The following WWOX variants were observed in gnomAD, a reference collection of about 807,000 sequenced individuals.
WWOX encodes WW domain containing oxidoreductase, also known as WW domain-containing oxidoreductase.
Under a neutral mutation model 46.2 loss-of-function variants are expected in WWOX, and 69 were observed. The observed-to-expected ratio is 1.49, with a 90% CI of 1.23 to 1.82. WWOX has a LOEUF of 1.82. Among genes scored for constraint, WWOX ranks in the 40% most tolerant of loss-of-function variants. The pLI is 0.00. For synonymous variants in WWOX, 359 were observed against 202.6 expected (o/e 1.77, Z -6.56); for missense variants, 919 against 542.6 (o/e 1.69, Z -6.89).
In WWOX at chr16:79,090,773, T is replaced by C. The variant is rs149786603; in HGVS notation, c.1057-120835T>C. Among the ~76,000 whole-genome samples the C allele has an allele frequency of 9.5e-3, 1,453 of 152,290 alleles. 76 individuals carry two copies. The South Asian group carries it at 0.16, about 17-fold the overall frequency. On this transcript the variant is annotated intron_variant, in intron 8 of 8. Transcript: ENST00000566780. ...AGGAGAGACTGAGGAGGCTTGGCCA[T>C]GCCCTGCCTTGTTGGTTTTTAGAAA...
Position 78,931,306 on chromosome 16 carries a change from C to T in WWOX, c.1057-280302C>T, listed in dbSNP as rs778363346. ...TGGTAAGAGAAACTCCCAATCTGAA[C>T]GGTAGTCAAAGAAGGTCTTCTTCTC... On this transcript the variant is annotated intron_variant, in intron 8 of 8. Transcript: ENST00000566780. Among the ~76,000 whole-genome samples the T allele has an allele frequency of 9.9e-5, 15 of 152,184 alleles. No homozygotes were observed. The South Asian group carries it at 1.5e-3, about 15-fold the overall frequency.
intron 6 of WWOX, among the ~76,000 whole-genome samples, chr16:78,390,963 A>G (rs2151937167): frequency 6.6e-6 from 1 of 152,310 alleles, no homozygotes; most frequent in Non-Finnish European, 1.5e-5. Context: ...TCAGGCTCTG[A>G]GTTCCTGTGT....
At chr16:78,809,484 C>T (rs1257732167) in intron 8 of WWOX, among the ~76,000 whole-genome samples, 1 of 152,144 alleles carries the variant, frequency 6.6e-6, no homozygotes, top group Non-Finnish European at 1.5e-5. Flanking sequence ...TGAAGCCCAT[C>T]CCTCTACCCT....
chr16:78,805,807 G>T (rs1210354677), intron 8 of WWOX, among the ~76,000 whole-genome samples: 1 of 152,036 alleles, frequency 6.6e-6, no homozygotes, highest in African/African-American at 2.4e-5. Context: ...TCTGTTTTCA[G>T]TTCCTCTCCA....
chr16:78,401,777 G>T (rs367900233), intron 6 of WWOX, among the ~76,000 whole-genome samples: 2 of 151,932 alleles, frequency 1.3e-5, no homozygotes, highest in African/African-American at 2.4e-5. Flanking sequence ...TTGGCTCACT[G>T]CAACCTCTGC....
At chr16:78,101,402 C>T (rs1041964434) in intron 1 of WWOX, among the ~76,000 whole-genome samples, 11 of 135,606 alleles carry the variant, frequency 8.1e-5, no homozygotes, top group Non-Finnish European at 1.7e-4. Flanking sequence ...ACTGGAGTGC[C>T]GTGGTGCGAT....
intron 8 of WWOX, among the ~76,000 whole-genome samples, chr16:78,963,685 C>A (rs1202074212): frequency 6.6e-6 from 1 of 152,180 alleles, no homozygotes; most frequent in Admixed American, 6.5e-5. Flanking sequence ...TATGGACTTT[C>A]TGCCAGACAT....
At chr16:79,190,969 A>G (rs1214672926) in intron 8 of WWOX, among the ~76,000 whole-genome samples, 1 of 152,240 alleles carries the variant, frequency 6.6e-6, no homozygotes, top group Non-Finnish European at 1.5e-5. Context: ...ACACATTCAA[A>G]TAAAATCATG....
At chr16:78,811,079 C>G (rs918397237) in intron 8 of WWOX, among the ~76,000 whole-genome samples, 13 of 152,258 alleles carry the variant, frequency 8.5e-5, no homozygotes, top group African/African-American at 2.9e-4. Flanking sequence ...GCCAGTAAGA[C>G]AACTCCTCTT....
At chr16:78,857,433 C>G (rs548730399) in intron 8 of WWOX, among the ~76,000 whole-genome samples, 152 of 152,224 alleles carry the variant, frequency 1.0e-3, no homozygotes, top group Non-Finnish European at 1.6e-3. Context: ...TGGAATAGAA[C>G]CTTTTTTTCC....
chr16:78,464,512 C>A (rs1486199312), intron 8 of WWOX, among the ~76,000 whole-genome samples: 1 of 152,108 alleles, frequency 6.6e-6, no homozygotes, highest in South Asian at 2.1e-4. Context: ...TGGGTGCTTA[C>A]CATGTGCCAT....
intron 1 of WWOX, among the ~76,000 whole-genome samples, chr16:78,104,680 G>C (rs747504254): frequency 2.0e-5 from 3 of 152,150 alleles, no homozygotes; most frequent in Non-Finnish European, 4.4e-5. Flanking sequence ...AGGAGAATAG[G>C]AGAATGCTTA....
Position 78,946,166 on chromosome 16 carries a change from A to C in WWOX, c.1057-265442A>C, listed in dbSNP as rs192494017. Reference sequence around the variant, plus strand: ...CAAGAATGCCGAGACACCTCTGCCTATTTTCTCTTTCTGTGTTTGTTGTTT... The same window carrying C: ...CAAGAATGCCGAGACACCTCTGCCTCTTTTCTCTTTCTGTGTTTGTTGTTT... On this transcript the variant is annotated intron_variant, in intron 8 of 8. Transcript: ENST00000566780. Among the ~76,000 whole-genome samples, 3 of 151,932 alleles carry C rather than the reference A, an allele frequency of 2.0e-5. No individual in the cohort carries two copies. In the East Asian group the frequency reaches 5.8e-4, roughly 29 times the overall value.
chr16:79,018,938 C>G (rs1215662626), intron 8 of WWOX, among the ~76,000 whole-genome samples: 3 of 151,828 alleles, frequency 2.0e-5, no homozygotes, highest in African/African-American at 4.8e-5. Flanking sequence ...ATCGCTTGAG[C>G]TCAGGAGTTG....
intron 8 of WWOX, among the ~76,000 whole-genome samples, chr16:78,996,656 A>G (rs959687274): frequency 7.2e-5 from 11 of 152,120 alleles, no homozygotes; most frequent in Non-Finnish European, 1.6e-4. Flanking sequence ...AGTGTGCTCT[A>G]CATCCCCCCA....
intron 5 of WWOX, among the ~76,000 whole-genome samples, chr16:78,311,791 G>A (rs868765091): frequency 0.087 from 3,143 of 36,024 alleles, 40 homozygotes; most frequent in African/African-American, 0.18. Context: ...GCAGCCTGGC[G>A]GGGGGGTATT....
chr16:79,114,799 C>G (rs1465450532), intron 8 of WWOX, among the ~76,000 whole-genome samples: 1 of 152,188 alleles, frequency 6.6e-6, no homozygotes, highest in Admixed American at 6.5e-5. Flanking sequence ...AGCAGGAGCA[C>G]AGCTTCCAGA....
intron 8 of WWOX, among the ~76,000 whole-genome samples, chr16:78,760,380 A>G (rs542560154): frequency 2.6e-5 from 4 of 152,324 alleles, no homozygotes; most frequent in African/African-American, 9.6e-5. Flanking sequence ...CAGCCAAACC[A>G]TATCACAGGA....
At chr16:78,832,466 C>T (rs1347512929) in intron 8 of WWOX, among the ~76,000 whole-genome samples, 1 of 152,148 alleles carries the variant, frequency 6.6e-6, no homozygotes, top group Non-Finnish European at 1.5e-5. Flanking sequence ...GGGAACCTGG[C>T]TCCACCATTG....
Sources: gnomAD v4.1 joint callset for allele counts (sites outside exome capture counted in the v4.1 genomes callset) on GRCh38, gnomAD v4.1.1 for gene constraint, MANE v1.5 for transcripts, NCBI Gene and HGNC (gene_info 2026-07-23, HGNC 2026-07-21) for gene names.